STRN3: variants seen among roughly 807,000 people sequenced by gnomAD.
STRN3 encodes the protein striatin 3.
In STRN3, 29 loss-of-function variants were observed where a neutral mutation model predicts 95.6. That is an observed-to-expected ratio of 0.30 (90% CI 0.23 to 0.41). STRN3 has a LOEUF of 0.41. STRN3 is among the 10% of genes least tolerant of loss of function. The pLI is 1.00. For synonymous variants in STRN3, 331 were observed against 357.6 expected (o/e 0.93, Z 0.84); for missense variants, 890 against 972.1 (o/e 0.92, Z 1.12).
intron 5 of STRN3, among the ~76,000 whole-genome samples, chr14:30,939,297 T>C (rs535481917): frequency 3.3e-5 from 5 of 152,250 alleles, no homozygotes; most frequent in Admixed American, 3.3e-4. Context: ...GCTCACAGGA[T>C]GTTTAGAAAC....
chr14:31,016,495 C>T (rs972889957), intron 1 of STRN3, among the ~76,000 whole-genome samples: 1 of 152,046 alleles, frequency 6.6e-6, no homozygotes, highest in African/African-American at 2.4e-5. Context: ...TCCCCATTCA[C>T]AGATTCAAAC....
chr14:30,929,962 A>AAAACAAAAAC (rs1485609445), intron 7 of STRN3, among the ~76,000 whole-genome samples: 1 of 147,138 alleles, frequency 6.8e-6, no homozygotes, highest in African/African-American at 2.5e-5. Context: ...AGCAAAAAAA[A>AAAACAAAAAC]AAAAAAAAAA....
intron 1 of STRN3, among the ~76,000 whole-genome samples, chr14:31,022,427 G>T (rs936858679): frequency 8.0e-5 from 12 of 150,704 alleles, no homozygotes; most frequent in African/African-American, 2.7e-4. Context: ...ACATTTTCTT[G>T]TATTAGCTAT....
chr14:31,022,940 T>C (rs888603651), intron 1 of STRN3, among the ~76,000 whole-genome samples: 1 of 152,184 alleles, frequency 6.6e-6, no homozygotes, highest in African/African-American at 2.4e-5. Flanking sequence ...TAGGAGATAT[T>C]TTGCTTAGAC....
intron 3 of STRN3, among the ~76,000 whole-genome samples, chr14:30,953,731 G>A (rs542944544): frequency 3.2e-4 from 49 of 152,246 alleles, no homozygotes; most frequent in Non-Finnish European, 3.7e-4. Flanking sequence ...CCGGGCTCAC[G>A]CAATCCTCCT....
chr14:30,953,866 G>A (rs1879773408), intron 3 of STRN3, among the ~76,000 whole-genome samples: 1 of 152,278 alleles, frequency 6.6e-6, no homozygotes, highest in African/African-American at 2.4e-5. Context: ...CTGGGATCAA[G>A]TGATCCAACG....
intron 9 of STRN3, among the ~76,000 whole-genome samples, chr14:30,914,777 T>C (rs1030241966): frequency 2.0e-5 from 3 of 152,262 alleles, no homozygotes; most frequent in South Asian, 2.1e-4. Context: ...AGATTTGCCA[T>C]TTCAATTTCA....
At chr14:30,918,232 G>C (rs1166818870) in intron 9 of STRN3, among the ~76,000 whole-genome samples, 1 of 152,190 alleles carries the variant, frequency 6.6e-6, no homozygotes, top group East Asian at 1.9e-4. Context: ...AACAGATTGG[G>C]CACTGTGGCT....
intron 1 of STRN3, among the ~76,000 whole-genome samples, chr14:30,959,130 A>G (rs970006734): frequency 6.6e-5 from 10 of 152,240 alleles, no homozygotes; most frequent in African/African-American, 2.4e-4. Context: ...GTTTGAGACC[A>G]GCCTGGCCAA....
At chr14:30,958,654 A>G (rs1880036250) in intron 1 of STRN3, among the ~76,000 whole-genome samples, 1 of 152,234 alleles carries the variant, frequency 6.6e-6, no homozygotes, top group Admixed American at 6.5e-5. Context: ...TACCATTACA[A>G]AAAGCTGAAG....
rs1409051504 is a variant in STRN3 at position 30,911,023 on chromosome 14, T to C, written c.1720+18A>G. 1 of 1,609,018 alleles carries C rather than the reference T, an allele frequency of 6.2e-7. No individual in the cohort carries two copies. Among genetic ancestry groups the C allele is most frequent in the Non-Finnish European group, 8.5e-7 (1 of 1,178,544 alleles). On this transcript the variant is annotated intron_variant, in intron 13 of 17. Coordinates refer to ENST00000357479, the MANE Select transcript of STRN3 (RefSeq NM_001083893.2). ...CTCCATTCACTTAAAAAAAATACAT[T>C]TTGATCATTTTACTTACCATATGTA...
chr14:30,965,729 G>A (rs146612425), intron 1 of STRN3, among the ~76,000 whole-genome samples: 3 of 133,370 alleles, frequency 2.2e-5, no homozygotes, highest in Non-Finnish European at 3.1e-5. Flanking sequence ...AACGAGAATC[G>A]CTTGTACCAG....
rs367677158 is a variant in STRN3, at chr14:30,921,069, T to TACACACACACACACACACAC, written c.1100-1964_1100-1963insGTGTGTGTGTGTGTGTGTGT. Among the ~76,000 whole-genome samples the TACACACACACACACACACAC allele has an allele frequency of 7.8e-4, 93 of 119,952 alleles. 1 individual carries two copies. In the East Asian group the frequency reaches 0.012, roughly 15 times the overall value. The allele number at this position is 119,952 out of a possible 152,430, so 78.7% of individuals were successfully genotyped here. ...GGTGAGAAGGCTTTCTACACATACATATACACACACACACACACACACACA... is the reference window on the plus strand; with the variant it reads ...GGTGAGAAGGCTTTCTACACATACATACACACACACACACACACACATACACACACACACACACACACACA... On this transcript the variant is annotated intron_variant, in intron 8 of 17. Transcript: ENST00000357479.
intron 1 of STRN3, among the ~76,000 whole-genome samples, chr14:31,019,355 T>C (rs1017661856): frequency 2.0e-5 from 3 of 152,038 alleles, no homozygotes; most frequent in African/African-American, 4.8e-5. Context: ...GAATGGACAA[T>C]GAATGGATAG....
At chr14:30,975,836 TAA>T (rs528570710) in intron 1 of STRN3, among the ~76,000 whole-genome samples, 22 of 113,120 alleles carry the variant, frequency 1.9e-4, no homozygotes, top group South Asian at 1.8e-3. Context: ...CCTGGCTCTT[TAA>T]AAAAAAAAAA....
chr14:30,976,622 AT>A (rs1490274876), intron 1 of STRN3, among the ~76,000 whole-genome samples: 3 of 152,270 alleles, frequency 2.0e-5, no homozygotes, highest in Non-Finnish European at 2.9e-5. Flanking sequence ...ATTTTGGACC[AT>A]AAAACCCATC....
At chr14:30,967,447 T>C (rs1880585357) in intron 1 of STRN3, among the ~76,000 whole-genome samples, 1 of 152,192 alleles carries the variant, frequency 6.6e-6, no homozygotes, top group Admixed American at 6.5e-5. Context: ...AAACCTATAG[T>C]TAATAATTGA....
At chr14:30,911,400 C>T (rs1045794503) in intron 12 of STRN3, among the ~76,000 whole-genome samples, 6 of 147,466 alleles carry the variant, frequency 4.1e-5, no homozygotes, top group Non-Finnish European at 8.9e-5. Context: ...CTCCCAGGTT[C>T]GAGCGATTCT....
At chr14:30,993,517 C>CT (rs1201438254) in intron 1 of STRN3, among the ~76,000 whole-genome samples, 8 of 152,158 alleles carry the variant, frequency 5.3e-5, no homozygotes, top group African/African-American at 1.9e-4. Flanking sequence ...TGGAGTGAAT[C>CT]TTTGAAGACT....
Sources: allele counts gnomAD v4.1 joint callset (sites outside exome capture counted in the v4.1 genomes callset), GRCh38; gene constraint gnomAD v4.1.1; transcripts MANE v1.5; gene names NCBI Gene and HGNC (gene_info 2026-07-23, HGNC 2026-07-21).